FARP1: variants seen among roughly 807,000 people sequenced by gnomAD.
The protein encoded by FARP1 is FERM, ARH/RhoGEF and pleckstrin domain protein 1, also known as FERM, ARHGEF and pleckstrin domain-containing protein 1.
FARP1 carries 52 observed loss-of-function variants against 128.8 expected under a neutral mutation model. The observed-to-expected ratio is 0.40, with a 90% CI of 0.32 to 0.51. The LOEUF (loss-of-function observed/expected upper bound fraction) is 0.51, where lower values mean the gene tolerates loss of function less well. FARP1 is among the 20% of genes least tolerant of loss of function. The pLI, the probability that FARP1 is intolerant of heterozygous loss-of-function variation, is 0.45. For missense variants in FARP1, 1,333 were observed against 1,367.9 expected (o/e 0.97, Z 0.40); for synonymous variants, 580 against 551.8 (o/e 1.05, Z -0.72).
At chr13:98,358,544 A>T (rs1019756049) in intron 3 of FARP1, among the ~76,000 whole-genome samples, 1 of 152,224 alleles carries the variant, frequency 6.6e-6, no homozygotes, top group African/African-American at 2.4e-5. Flanking sequence ...TATCTTTTAA[A>T]TATAACCAAA....
chr13:98,355,463 A>G (rs1219911445), intron 3 of FARP1, among the ~76,000 whole-genome samples: 1 of 152,232 alleles, frequency 6.6e-6, no homozygotes, highest in East Asian at 1.9e-4. Flanking sequence ...TTCTTAAAGC[A>G]TGGTCCACAG....
intron 12 of FARP1, among the ~76,000 whole-genome samples, chr13:98,393,922 G>T (rs574032308): frequency 6.6e-6 from 1 of 152,298 alleles, no homozygotes; most frequent in South Asian, 2.1e-4. Context: ...GCCGTGGAGT[G>T]TGTTGTGTTT....
intron 2 of FARP1, among the ~76,000 whole-genome samples, chr13:98,295,547 C>T (rs1345360809): frequency 6.6e-6 from 1 of 152,176 alleles, no homozygotes; most frequent in African/African-American, 2.4e-5. Context: ...AAATAACCTC[C>T]CAGTCCCCCT....
intron 2 of FARP1, among the ~76,000 whole-genome samples, chr13:98,287,591 T>C (rs562623845): frequency 6.6e-6 from 1 of 152,202 alleles, no homozygotes; most frequent in East Asian, 1.9e-4. Flanking sequence ...AGATTCTACT[T>C]GACTGATTCT....
chr13:98,392,909 A>T (rs1365949831), intron 11 of FARP1, among the ~76,000 whole-genome samples: 1 of 152,054 alleles, frequency 6.6e-6, no homozygotes, highest in East Asian at 1.9e-4. Flanking sequence ...TGTAAGAAAT[A>T]GCCCAGTTCT....
chr13:98,381,818 T>C (rs1889896383), intron 6 of FARP1: 2 of 152,206 alleles, frequency 1.3e-5, no homozygotes, highest in South Asian at 4.1e-4. Flanking sequence ...ATATAGTATA[T>C]GCATAAGCTG....
chr13:98,326,699 G>A (rs1249906416), intron 2 of FARP1, among the ~76,000 whole-genome samples: 3 of 152,114 alleles, frequency 2.0e-5, no homozygotes, highest in Non-Finnish European at 4.4e-5. Context: ...AAACTTTTCT[G>A]TTGGCATAAT....
At chr13:98,372,044 C>T (rs1479666719) in intron 5 of FARP1, among the ~76,000 whole-genome samples, 1 of 149,020 alleles carries the variant, frequency 6.7e-6, no homozygotes, top group Non-Finnish European at 1.5e-5. Flanking sequence ...CTCAAAACAA[C>T]GAGTGAGGGT....
intron 19 of FARP1, among the ~76,000 whole-genome samples, chr13:98,436,356 C>A (rs1411580134): frequency 6.6e-6 from 1 of 152,174 alleles, no homozygotes; most frequent in Non-Finnish European, 1.5e-5. Context: ...TTCTCCACTT[C>A]CCTTCCTAGA....
At chr13:98,345,912 T>C (rs1453722507) in intron 3 of FARP1, among the ~76,000 whole-genome samples, 1 of 152,186 alleles carries the variant, frequency 6.6e-6, no homozygotes, top group African/African-American at 2.4e-5. Flanking sequence ...CAACGCATGC[T>C]CTAGAGAGTG....
chr13:98,367,408 C>A (rs1197307794), intron 4 of FARP1, among the ~76,000 whole-genome samples: 3 of 152,126 alleles, frequency 2.0e-5, no homozygotes, highest in Non-Finnish European at 2.9e-5. Flanking sequence ...CTCAGCCTCC[C>A]AAATTGCTGG....
intron 17 of FARP1, among the ~76,000 whole-genome samples, chr13:98,425,832 CT>C (rs543627881): frequency 2.0e-5 from 3 of 152,174 alleles, no homozygotes; most frequent in Admixed American, 6.5e-5. Flanking sequence ...TGAAATCTTC[CT>C]TTTTTTGTTT....
rs576877453 is a variant in FARP1, at chr13:98,231,530, TG to T, written c.171+18120del. Among the ~76,000 whole-genome samples the T allele has an allele frequency of 1.8e-3, 273 of 152,210 alleles. 1 individual carries two copies. The highest frequency in any genetic ancestry group is 6.9e-3 in the Admixed American group (105 of 15,286). ...TTGGCTCACTGCAACCTCCGCCTTC[TG>T]GGACCAAGTGATTCTCCTGCCTCAG... On this transcript the variant is annotated intron_variant, in intron 2 of 26. Coordinates refer to ENST00000319562, the MANE Select transcript of FARP1 (RefSeq NM_005766.4).
chr13:98,173,408 T>G (rs1877784934), intron 1 of FARP1, among the ~76,000 whole-genome samples: 1 of 152,188 alleles, frequency 6.6e-6, no homozygotes, highest in African/African-American at 2.4e-5. Context: ...CAGGTTTTGA[T>G]TTTCATGTGC....
chr13:98,371,590 A>G (rs1393208520), intron 5 of FARP1, among the ~76,000 whole-genome samples: 1 of 151,610 alleles, frequency 6.6e-6, no homozygotes, highest in Non-Finnish European at 1.5e-5. Flanking sequence ...ATCACTCCCC[A>G]CTTGGTACAA....
intron 2 of FARP1, among the ~76,000 whole-genome samples, chr13:98,261,645 A>G (rs560084223): frequency 1.5e-4 from 23 of 152,224 alleles, no homozygotes; most frequent in African/African-American, 5.5e-4. Flanking sequence ...TTGTAAAAAT[A>G]TGGGAGTTTG....
chr13:98,159,106 A>G (rs1360020098), intron 1 of FARP1, among the ~76,000 whole-genome samples: 1 of 152,234 alleles, frequency 6.6e-6, no homozygotes, highest in Admixed American at 6.5e-5. Flanking sequence ...CAAGCATGGC[A>G]AAGTGCATGT....
chr13:98,431,349 C>A, intron 18 of FARP1, 69 bp downstream of exon 18: 1 of 1,134,796 alleles, frequency 8.8e-7, no homozygotes, highest in Non-Finnish European at 1.2e-6. Flanking sequence ...CCAGACTGAG[C>A]CCAGCCAGGG....
intron 1 of FARP1, among the ~76,000 whole-genome samples, chr13:98,170,417 C>T (rs1877572948): frequency 6.6e-6 from 1 of 152,168 alleles, no homozygotes; most frequent in Non-Finnish European, 1.5e-5. Context: ...AGTGCAATGG[C>T]GCGATCTCGG....
Sources: gnomAD v4.1 joint callset for allele counts (sites outside exome capture counted in the v4.1 genomes callset) on GRCh38, gnomAD v4.1.1 for gene constraint, MANE v1.5 for transcripts, NCBI Gene and HGNC (gene_info 2026-07-23, HGNC 2026-07-21) for gene names.